The following STPG2 variants were observed in gnomAD, a reference collection of about 807,000 sequenced individuals.
STPG2 encodes the protein sperm tail PG-rich repeat containing 2.
In STPG2, 56 loss-of-function variants were observed where a neutral mutation model predicts 54.2. The observed-to-expected ratio is 1.03, with a 90% CI of 0.83 to 1.29. The LOEUF (loss-of-function observed/expected upper bound fraction) is 1.29. STPG2 is among the 50% of genes most tolerant of loss of function. The pLI is 0.00. For synonymous variants in STPG2, 200 were observed against 181.8 expected (o/e 1.10, Z -0.81); for missense variants, 596 against 544.9 (o/e 1.09, Z -0.93).
chr4:97,784,791 A>G (rs1488030716), intron 9 of STPG2, among the ~76,000 whole-genome samples: 2 of 152,084 alleles, frequency 1.3e-5, no homozygotes, highest in Non-Finnish European at 2.9e-5. Flanking sequence ...ATGATTAAAG[A>G]GAACTATATA....
intron 10 of STPG2, among the ~76,000 whole-genome samples, chr4:97,635,750 T>C (rs1721494697): frequency 6.6e-6 from 1 of 151,950 alleles, no homozygotes; most frequent in African/African-American, 2.4e-5. Flanking sequence ...AAGAAGGCCA[T>C]TACATAATGG....
chr4:97,544,790 C>G (rs1731798772), intron 4 of STPG2, among the ~76,000 whole-genome samples: 1 of 152,050 alleles, frequency 6.6e-6, no homozygotes, highest in Non-Finnish European at 1.5e-5. Flanking sequence ...ATATTACGTT[C>G]TTTCAGGCAA....
chr4:97,470,835 A>T (rs980117280), intron 4 of STPG2, among the ~76,000 whole-genome samples: 2 of 152,096 alleles, frequency 1.3e-5, no homozygotes, highest in African/African-American at 4.8e-5. Flanking sequence ...GCTGAATGAC[A>T]TAGGCATTGT....
intron 10 of STPG2, among the ~76,000 whole-genome samples, chr4:97,638,982 AT>A (rs1209422795): frequency 1.3e-5 from 2 of 151,724 alleles, no homozygotes; most frequent in African/African-American, 4.9e-5. Context: ...TGACCCGGCC[AT>A]CCCATTACTG....
intron 5 of STPG2, among the ~76,000 whole-genome samples, chr4:97,998,724 T>C (rs1375571549): frequency 6.6e-6 from 1 of 152,162 alleles, no homozygotes; most frequent in African/African-American, 2.4e-5. Context: ...AGTGATTATT[T>C]GTACCTGGTG....
chr4:97,474,109 G>A (rs534659408), intron 4 of STPG2, among the ~76,000 whole-genome samples: 1 of 152,216 alleles, frequency 6.6e-6, no homozygotes, highest in East Asian at 1.9e-4. Flanking sequence ...TTGTCTCAAT[G>A]TAGGTTTATT....
At chr4:97,675,266 G>A (rs1171244093) in intron 10 of STPG2, among the ~76,000 whole-genome samples, 1 of 152,100 alleles carries the variant, frequency 6.6e-6, no homozygotes, top group African/African-American at 2.4e-5. Flanking sequence ...GCCTCCCAAA[G>A]TGCTGGGATT....
At chr4:97,732,128 C>A (rs1418601947) in intron 9 of STPG2, among the ~76,000 whole-genome samples, 3 of 152,148 alleles carry the variant, frequency 2.0e-5, no homozygotes, top group South Asian at 2.1e-4. Context: ...CTGCTCAGAG[C>A]AAGATGGAGA....
rs574384487 is a variant in STPG2, at chr4:98,017,572, T to C, written c.613-36254A>G. On this transcript the variant is annotated intron_variant, in intron 5 of 10. Coordinates refer to ENST00000295268, the MANE Select transcript of STPG2 (RefSeq NM_174952.3). ...TGTCCTTCCTACCCTCTTTAATGCA[T>C]CTTTTCTTATTTATGTGCTCCATGT... 3.3e-5 allele frequency among the ~76,000 whole-genome samples: 5 copies of C among 152,348 alleles called. No individual in the cohort carries two copies. In the South Asian group the frequency reaches 1.0e-3, roughly 32 times the overall value.
chr4:97,927,413 A>G (rs921116392), intron 8 of STPG2, among the ~76,000 whole-genome samples: 1 of 152,116 alleles, frequency 6.6e-6, no homozygotes, highest in African/African-American at 2.4e-5. Context: ...AAACTCTTCT[A>G]CTGCCTTTCC....
chr4:98,128,760 C>T (rs1187454266), intron 2 of STPG2, among the ~76,000 whole-genome samples, 168 bp from the exon 3 acceptor site: 1 of 152,044 alleles, frequency 6.6e-6, no homozygotes, highest in Non-Finnish European at 1.5e-5. Context: ...GATAGGGTCT[C>T]ACTCTGTCAC....
intron 9 of STPG2, among the ~76,000 whole-genome samples, chr4:97,801,199 C>T (rs528256658): frequency 3.3e-5 from 5 of 152,242 alleles, no homozygotes; most frequent in East Asian, 1.9e-4. Flanking sequence ...CTGCACCCAC[C>T]GTCCAGCAAG....
At chr4:97,443,190 C>G (rs996798125) in intron 4 of STPG2, among the ~76,000 whole-genome samples, 1 of 152,242 alleles carries the variant, frequency 6.6e-6, no homozygotes, top group South Asian at 2.1e-4. Context: ...ACATTTCCCT[C>G]GAGGAATCTT....
At chr4:97,757,729 C>T (rs1181197834) in intron 9 of STPG2, among the ~76,000 whole-genome samples, 2 of 152,110 alleles carry the variant, frequency 1.3e-5, no homozygotes, top group Non-Finnish European at 2.9e-5. Context: ...TAAGTTCATC[C>T]TGTTTCTGTA....
intron 8 of STPG2, among the ~76,000 whole-genome samples, chr4:97,888,631 T>A (rs1395194367): frequency 6.6e-6 from 1 of 152,224 alleles, no homozygotes; most frequent in African/African-American, 2.4e-5. Flanking sequence ...TTGTCTCATA[T>A]AAGACTTTGG....
intron 10 of STPG2, among the ~76,000 whole-genome samples, chr4:97,640,007 A>G (rs1721711514): frequency 6.6e-6 from 1 of 152,142 alleles, no homozygotes; most frequent in Admixed American, 6.6e-5. Flanking sequence ...TAACATGTTA[A>G]TTATATAGTA....
chr4:97,671,392 G>A (rs1194551013), intron 10 of STPG2, among the ~76,000 whole-genome samples: 9 of 152,092 alleles, frequency 5.9e-5, no homozygotes, highest in Non-Finnish European at 1.0e-4. Flanking sequence ...TGTAGGCCTC[G>A]TATTTACCAA....
intron 9 of STPG2, among the ~76,000 whole-genome samples, chr4:97,739,014 T>C: frequency 6.6e-6 from 1 of 151,666 alleles, no homozygotes; most frequent in Non-Finnish European, 1.5e-5. Context: ...GCAAACTATC[T>C]CTCAGACCAC....
At chr4:97,892,444 G>C (rs955720034) in intron 8 of STPG2, among the ~76,000 whole-genome samples, 1 of 151,998 alleles carries the variant, frequency 6.6e-6, no homozygotes, top group Non-Finnish European at 1.5e-5. Context: ...ACCCTATATG[G>C]CCCAGGAAAG....
Sources: gnomAD v4.1 joint callset for allele counts (sites outside exome capture counted in the v4.1 genomes callset) on GRCh38, gnomAD v4.1.1 for gene constraint, MANE v1.5 for transcripts, NCBI Gene and HGNC (gene_info 2026-07-23, HGNC 2026-07-21) for gene names.